SYNPO: variants seen among roughly 807,000 people sequenced by gnomAD.
The protein encoded by SYNPO is synaptopodin.
SYNPO carries 19 observed loss-of-function variants against 49.5 expected under a neutral mutation model. The observed-to-expected ratio is 0.38, with a 90% CI of 0.27 to 0.56. The LOEUF (loss-of-function observed/expected upper bound fraction) is 0.56, where lower values mean the gene tolerates loss of function less well. SYNPO is among the 20% of genes least tolerant of loss of function. The probability of loss-of-function intolerance (pLI) is 0.68; values close to 1 mark genes in which losing one functional copy is unlikely to be tolerated. For missense variants in SYNPO, 1,131 were observed against 1,248.3 expected, an observed-to-expected ratio of 0.91 and a Z score of 1.42; for synonymous variants, 536 against 548.0, an observed-to-expected ratio of 0.98 and a Z score of 0.31.
At chr5:150,639,270 G>A (rs113818708), upstream of SYNPO, among the ~76,000 whole-genome samples, 3 of 152,272 alleles carry the variant, frequency 2.0e-5, no homozygotes, top group Admixed American at 6.5e-5. Context: ...CCCTGATCCC[G>A]ACCCACTGCC....
chr5:150,641,985 C>T (rs1757926363), intron 1 of SYNPO, among the ~76,000 whole-genome samples: 1 of 152,230 alleles, frequency 6.6e-6, no homozygotes, highest in South Asian at 2.1e-4. Context: ...CAGAGCCAGA[C>T]TTTTCTGAGT....
the SYNPO span, among the ~76,000 whole-genome samples, chr5:150,586,515 A>C: frequency 6.6e-6 from 1 of 152,154 alleles, no homozygotes; most frequent in Admixed American, 6.5e-5. Context: ...GGCTTTTCCT[A>C]TGCTGGGTAG....
intron 2 of SYNPO, among the ~76,000 whole-genome samples, chr5:150,629,840 G>A (rs1463158409): frequency 2.0e-5 from 3 of 152,098 alleles, no homozygotes; most frequent in African/African-American, 7.2e-5. Context: ...AGTTGGTTAA[G>A]TGAGCTTCCA....
At chr5:150,601,969 C>T (rs1217688321) in intron 1 of SYNPO, among the ~76,000 whole-genome samples, 2 of 152,186 alleles carry the variant, frequency 1.3e-5, no homozygotes, top group African/African-American at 2.4e-5. Context: ...TCCAGGAGCT[C>T]GGCATCACCA....
upstream of SYNPO, among the ~76,000 whole-genome samples, chr5:150,636,841 TAATGA>T (rs964302066): frequency 3.3e-5 from 5 of 151,768 alleles, no homozygotes; most frequent in Non-Finnish European, 5.9e-5. Context: ...CTGTGTCTGA[TAATGA>T]GCAGAAGAGT....
intron 2 of SYNPO, among the ~76,000 whole-genome samples, chr5:150,633,976 A>G (rs1408356919): frequency 6.6e-6 from 1 of 152,098 alleles, no homozygotes. Flanking sequence ...AAAATTAAAA[A>G]AAAGACAATT....
At chr5:150,588,283 G>T in the SYNPO span, among the ~76,000 whole-genome samples, 1 of 152,166 alleles carries the variant, frequency 6.6e-6, no homozygotes, top group Non-Finnish European at 1.5e-5. Context: ...TCTCTGGTGT[G>T]CCCCGGGGGT....
At position 150,652,157 on chromosome 5, in the gene SYNPO, C is replaced by T. The variant is rs559761903; in HGVS notation, c.2028+1854C>T. The stretch of plus-strand genomic sequence containing the variant: ...GTGGGGGAGTTGTGAGTGAGCTCAG[C>T]TCCTTCAGGCCTGGCCTCTCCCAGA... On this transcript the variant is annotated intron_variant, in intron 2 of 2. Transcript: ENST00000307662. 5.0e-6 allele frequency: 5 copies of T among 1,002,182 alleles called. No individual in the cohort carries two copies. In the East Asian group the frequency reaches 4.4e-4, roughly 89 times the overall value. The allele number at this position is 1,002,182 out of a possible 1,614,324, so 62.1% of individuals were successfully genotyped here.
upstream of SYNPO, among the ~76,000 whole-genome samples, chr5:150,640,450 C>G (rs983856165): frequency 6.6e-6 from 1 of 152,114 alleles, no homozygotes; most frequent in Non-Finnish European, 1.5e-5. Flanking sequence ...GGGCAGGCCC[C>G]GATAGCAGGG....
intron 1 of SYNPO, among the ~76,000 whole-genome samples, chr5:150,642,639 G>A (rs200099365): frequency 1.3e-5 from 2 of 151,978 alleles, no homozygotes; most frequent in African/African-American, 4.8e-5. Context: ...GCCCTGCTAC[G>A]AGGGACTCTA....
At chr5:150,598,947 T>A (rs1756472331), upstream of SYNPO, among the ~76,000 whole-genome samples, 1 of 152,174 alleles carries the variant, frequency 6.6e-6, no homozygotes, top group Non-Finnish European at 1.5e-5. Flanking sequence ...CAATCCCCTC[T>A]AGCCCCTCAT....
chr5:150,641,898 A>T (rs113163155), intron 1 of SYNPO, among the ~76,000 whole-genome samples: 10 of 152,358 alleles, frequency 6.6e-5, no homozygotes, highest in African/African-American at 2.4e-4. Flanking sequence ...ACCATCATCC[A>T]AGAGCACTGG....
intron 2 of SYNPO, chr5:150,624,610 G>A (rs1167118118): frequency 6.5e-6 from 1 of 153,282 alleles, no homozygotes; most frequent in Non-Finnish European, 1.4e-5. Flanking sequence ...CGCACCCCCA[G>A]GGCTGGGCGG....
At chr5:150,630,420 T>G (rs1757499542) in intron 2 of SYNPO, among the ~76,000 whole-genome samples, 1 of 152,102 alleles carries the variant, frequency 6.6e-6, no homozygotes. Flanking sequence ...CATAGGAAGA[T>G]GAGATGTTGG....
chr5:150,611,448 T>G (rs1756844059), intron 1 of SYNPO, among the ~76,000 whole-genome samples: 1 of 152,222 alleles, frequency 6.6e-6, no homozygotes, highest in African/African-American at 2.4e-5. Flanking sequence ...AACTGAAGCC[T>G]TATCTCTCCT....
chr5:150,656,318 A>C, intron 2 of SYNPO, 86 bp from the exon 3 acceptor site: 1 of 1,135,284 alleles, frequency 8.8e-7, no homozygotes, highest in Non-Finnish European at 1.2e-6. Flanking sequence ...GGTGTAATGG[A>C]CAAATCGGAC....
chr5:150,626,604 C>G (rs555961163), intron 2 of SYNPO, among the ~76,000 whole-genome samples: 1 of 152,296 alleles, frequency 6.6e-6, no homozygotes, highest in South Asian at 2.1e-4. Context: ...CTCCTTCCCT[C>G]CCTAGTCAGC....
At position 150,648,401 on chromosome 5, in the gene SYNPO, G is replaced by A. The variant is rs373632479; in HGVS notation, c.126G>A (p.Leu42=). 2.4e-5 allele frequency: 38 copies of A among 1,614,174 alleles called. No homozygotes were observed. Among genetic ancestry groups the A allele is most frequent in the Non-Finnish European group, 3.1e-5 (37 of 1,180,024 alleles). The change falls in exon 2 of 3, where the codon CTG becomes CTA. Residue 42 remains leucine (L), a synonymous_variant. Coordinates refer to ENST00000307662, the MANE Select transcript of SYNPO (RefSeq NM_007286.6). This position sits in a 1 kb window ranked among gnomAD's most constrained non-coding sequence, Gnocchi z 5.0. ...CAGCACTGCTGACAGCCAATGGGCT[G>A]CACCTGTCCCAAAACCGAGAGGCCC... ...ENAALLTANG[L]HLSQNREAQQ...
chr5:150,643,930 T>C (rs1028719582), intron 1 of SYNPO, among the ~76,000 whole-genome samples: 45 of 151,974 alleles, frequency 3.0e-4, no homozygotes, highest in African/African-American at 1.1e-3. Context: ...ATCCCAGCAC[T>C]TTGGGAGGCT....
Sources: allele counts gnomAD v4.1 joint callset (sites outside exome capture counted in the v4.1 genomes callset), GRCh38; gene constraint gnomAD v4.1.1; non-coding constraint Gnocchi (gnomAD v3.1); transcripts MANE v1.5; gene names NCBI Gene and HGNC (gene_info 2026-07-23, HGNC 2026-07-21).